Variants in SNX25 observed in about 807,000 individuals in gnomAD.
SNX25 encodes sorting nexin-25.
Under a neutral mutation model 113.7 loss-of-function variants are expected in SNX25, and 62 were observed. That is an observed-to-expected ratio of 0.55 (90% CI 0.44 to 0.67). The LOEUF is 0.67. Among genes scored for constraint, SNX25 ranks in the 30% least tolerant of loss-of-function variants. The pLI, the probability that SNX25 is intolerant of heterozygous loss-of-function variation, is 0.00. For synonymous variants in SNX25, 421 were observed against 436.2 expected, an observed-to-expected ratio of 0.97 and a Z score of 0.43; for missense variants, 1,014 against 1,161.0, an observed-to-expected ratio of 0.87 and a Z score of 1.84.
exon 1 of SNX25, chr4:185,204,288 TTAA>T (rs1442474881): frequency 6.6e-6 from 1 of 152,170 alleles, no homozygotes; most frequent in Non-Finnish European, 1.5e-5. Context: ...TTCTCGTGCG[TTAA>T]TAGGGAAAGC....
Position 185,361,833 on chromosome 4 carries a change from G to A in SNX25, c.2652-91G>A, listed in dbSNP as rs529190248. 2.6e-5 allele frequency: 31 copies of A among 1,182,718 alleles called. No individual in the cohort carries two copies. The South Asian group carries it at 4.3e-4, about 16-fold the overall frequency. 73.3% of individuals were successfully genotyped at this position (1,182,718 alleles called of 1,614,324 possible). A position where few individuals can be genotyped will look rare whatever the true frequency, so the allele number is the denominator to read the frequency against. On this transcript the variant is annotated intron_variant, in intron 16 of 18. Transcript: ENST00000652585. ...ATTCATCAAACACTTAGATCAGGCT[G>A]TATCTTAACCTTCGTATTGATAAGT... is the stretch of plus-strand genomic sequence containing the variant.
intron 12 of SNX25, among the ~76,000 whole-genome samples, chr4:185,342,844 T>A (rs958835527): frequency 6.6e-6 from 1 of 152,196 alleles, no homozygotes; most frequent in African/African-American, 2.4e-5. Context: ...GCTCTACTCT[T>A]CATGGCTGTG....
At chr4:185,312,431 G>A (rs2095037997) in intron 7 of SNX25, among the ~76,000 whole-genome samples, 1 of 152,074 alleles carries the variant, frequency 6.6e-6, no homozygotes, top group Admixed American at 6.6e-5. Flanking sequence ...CTCATTTTGG[G>A]AGAATTAAAT....
Position 185,320,806 on chromosome 4 carries a change from A to G in SNX25, c.1418A>G (p.Asp473Gly). The change falls in exon 8 of 19, where the codon GAC becomes GGC. Residue 473 changes from aspartate to glycine, a missense_variant. Asp to Gly is a moderately conservative substitution (Grantham distance 94). Transcript: ENST00000652585. ...TTTGGAATGTACATGGAAAGGATGG[A>G]CAAAAGAGCTCTGATTAGTTTTTGG... ...EHFGMYMERM[D>G]KRALISFWES... 6.2e-7 allele frequency: 1 copy of G among 1,607,386 alleles called. No homozygotes were observed. Among genetic ancestry groups the G allele is most frequent in the Non-Finnish European group, 8.5e-7 (1 of 1,176,958 alleles).
chr4:185,371,814 C>T (rs910752516), downstream of SNX25, among the ~76,000 whole-genome samples: 25 of 152,108 alleles, frequency 1.6e-4, no homozygotes, highest in Admixed American at 1.6e-3. Flanking sequence ...GCTGGGGAAG[C>T]GGGGTAGAAG....
intron 5 of SNX25, among the ~76,000 whole-genome samples, chr4:185,287,306 G>T (rs1166504694): frequency 6.6e-6 from 1 of 152,132 alleles, no homozygotes; most frequent in African/African-American, 2.4e-5. Flanking sequence ...TCAGCTCTCC[G>T]TGTGCCTTAG....
At chr4:185,224,094 T>A (rs1462891221) in intron 1 of SNX25, among the ~76,000 whole-genome samples, 2 of 152,170 alleles carry the variant, frequency 1.3e-5, no homozygotes, top group Non-Finnish European at 2.9e-5. Flanking sequence ...GGCTCACGCC[T>A]GTAATCCCAG....
At position 185,210,251 on chromosome 4, in the gene SNX25, C is replaced by G. The variant is rs1330209780; in HGVS notation, c.425C>G (p.Pro142Arg). Residue 142 changes from proline (P) to arginine (R), a missense_variant, in exon 1 of 19, where the codon CCG becomes CGG. Coordinates refer to ENST00000652585, the MANE Select transcript of SNX25 (RefSeq NM_001378034.2). This position sits in a 1 kb window ranked among gnomAD's most constrained non-coding sequence, Gnocchi z 4.4. ...GCGACCTCAGCCGCCCGCCGCCCGC[C>G]GGGGGTAAGTACCCGACTCCTGGCC... is the stretch of plus-strand genomic sequence containing the variant. Reference protein sequence around the residue: ...LAATSAARRPPGSPVYGNSHE... With the variant: ...LAATSAARRPRGSPVYGNSHE... 43 of 984,940 alleles carry G rather than the reference C, an allele frequency of 4.4e-5. No individual in the cohort carries two copies. The highest frequency in any genetic ancestry group is 5.2e-5 in the Non-Finnish European group (43 of 830,142). 61.0% of individuals were successfully genotyped at this position (984,940 alleles called of 1,614,324 possible).
At chr4:185,223,696 G>A (rs1244595289) in intron 1 of SNX25, among the ~76,000 whole-genome samples, 1 of 151,558 alleles carries the variant, frequency 6.6e-6, no homozygotes, top group Non-Finnish European at 1.5e-5. Context: ...CAGGAGAATG[G>A]CATGAACCTG....
At chr4:185,270,957 G>A (rs1748844204) in intron 5 of SNX25, among the ~76,000 whole-genome samples, 7 of 152,184 alleles carry the variant, frequency 4.6e-5, no homozygotes. Flanking sequence ...GCCATTTAAA[G>A]GATGCCTTTT....
At chr4:185,372,483 T>C (rs1480691540), downstream of SNX25, among the ~76,000 whole-genome samples, 1 of 152,238 alleles carries the variant, frequency 6.6e-6, no homozygotes, top group Non-Finnish European at 1.5e-5. Flanking sequence ...TGTGAAGGAT[T>C]TGGCATAGAA....
upstream of SNX25, among the ~76,000 whole-genome samples, chr4:185,205,213 C>A (rs536383963): frequency 6.6e-6 from 1 of 152,140 alleles, no homozygotes; most frequent in Non-Finnish European, 1.5e-5. Context: ...CCCAGCACTT[C>A]GGGAGGCCGA....
intron 4 of SNX25, among the ~76,000 whole-genome samples, chr4:185,266,611 C>T (rs1461652733): frequency 6.6e-6 from 1 of 152,184 alleles, no homozygotes; most frequent in East Asian, 1.9e-4. Flanking sequence ...ATCCACCTGT[C>T]TCAGCCTCCC....
At chr4:185,361,150 G>C (rs2095361287) in intron 16 of SNX25, among the ~76,000 whole-genome samples, 1 of 152,094 alleles carries the variant, frequency 6.6e-6, no homozygotes, top group Non-Finnish European at 1.5e-5. Context: ...GCTTCATCTG[G>C]ATCCGAGTAT....
chr4:185,363,278 T>C lies in SNX25; in HGVS notation c.2935-107T>C. 1.0e-6 allele frequency: 1 copy of C among 963,858 alleles called. No homozygotes were observed. Among genetic ancestry groups the C allele is most frequent in the Non-Finnish European group, 1.6e-6 (1 of 628,796 alleles). 59.7% of individuals were successfully genotyped at this position (963,858 alleles called of 1,614,324 possible). A position where few individuals can be genotyped will look rare whatever the true frequency, so the allele number is the denominator to read the frequency against. Reference sequence around the variant, plus strand: ...TTTGAGAGTTACTTGTTTACTGAGATAATTTCAGACCTAAAATTAGACTTT... The same window carrying C: ...TTTGAGAGTTACTTGTTTACTGAGACAATTTCAGACCTAAAATTAGACTTT... On this transcript the variant is annotated intron_variant, in intron 18 of 18. Coordinates refer to ENST00000652585, the MANE Select transcript of SNX25 (RefSeq NM_001378034.2). This position sits in a 1 kb window ranked among gnomAD's most constrained non-coding sequence, Gnocchi z 4.2.
At chr4:185,269,924 C>A (rs1338279064) in intron 5 of SNX25, among the ~76,000 whole-genome samples, 1 of 152,114 alleles carries the variant, frequency 6.6e-6, no homozygotes, top group African/African-American at 2.4e-5. Context: ...CTAGCACCAT[C>A]TGTTATTTTG....
chr4:185,271,522 T>TA (rs1425698250), intron 5 of SNX25, among the ~76,000 whole-genome samples: 1 of 152,240 alleles, frequency 6.6e-6, no homozygotes, highest in East Asian at 1.9e-4. Context: ...GTGCTGGAAT[T>TA]ACAGGTGTGA....
chr4:185,218,616 TG>T (rs1739279513), intron 1 of SNX25, among the ~76,000 whole-genome samples: 1 of 152,212 alleles, frequency 6.6e-6, no homozygotes, highest in Non-Finnish European at 1.5e-5. Context: ...AGCCACAAGC[TG>T]GATGTAAAGA....
At chr4:185,226,326 G>A (rs1244520904) in intron 1 of SNX25, among the ~76,000 whole-genome samples, 1 of 152,192 alleles carries the variant, frequency 6.6e-6, no homozygotes, top group Non-Finnish European at 1.5e-5. Context: ...AAAAATCAGT[G>A]TTTCCCAAAC....
Sources: allele counts gnomAD v4.1 joint callset (sites outside exome capture counted in the v4.1 genomes callset), GRCh38; gene constraint gnomAD v4.1.1; non-coding constraint Gnocchi (gnomAD v3.1); transcripts MANE v1.5; gene names NCBI Gene and HGNC (gene_info 2026-07-23, HGNC 2026-07-21).